The following GPC6 variants were observed in gnomAD, a reference collection of about 807,000 sequenced individuals.
GPC6 encodes glypican-6.
Under a neutral mutation model 55.2 loss-of-function variants are expected in GPC6, and 14 were observed. The observed-to-expected ratio is 0.25, with a 90% confidence interval of 0.17 to 0.40. The LOEUF (loss-of-function observed/expected upper bound fraction) is 0.40, where lower values mean the gene tolerates loss of function less well. Ranked by LOEUF, GPC6 falls within the 10% of genes least tolerant of loss-of-function variation. GPC6 has a pLI of 1.00. For synonymous variants in GPC6, 278 were observed against 259.6 expected (o/e 1.07, Z -0.68); for missense variants, 641 against 708.5 (o/e 0.90, Z 1.08).
At chr13:93,765,261 C>CTGTCTGGAAAGACAACTTTCCAGATAAGT in intron 2 of GPC6, among the ~76,000 whole-genome samples, 1 of 78,362 alleles carries the variant, frequency 1.3e-5, no homozygotes, top group Non-Finnish European at 3.7e-5. Context: ...TCCAGATAAG[C>CTGTCTGGAAAGACAACTTTCCAGATAAGT]TGTCTGGAAA....
At chr13:93,222,527 G>C (rs1594036778), upstream of GPC6, among the ~76,000 whole-genome samples, 2 of 152,132 alleles carry the variant, frequency 1.3e-5, no homozygotes, top group African/African-American at 4.8e-5. Flanking sequence ...ATACTAAAAT[G>C]TTTCTCTCAA....
chr13:94,400,973 C>T lies in GPC6; in HGVS notation c.1466-2042C>T, dbSNP rs146335714. On this transcript the variant is annotated intron_variant, in intron 8 of 8. Coordinates refer to ENST00000377047, the MANE Select transcript of GPC6 (RefSeq NM_005708.5). ...CATTTAAATAACAAATGTCAGGGTA[C>T]ATTCCAGGTCGCCTTTGCTGTAGGA... 9.7e-4 allele frequency among the ~76,000 whole-genome samples: 148 copies of T among 152,244 alleles called. 1 individual carries two copies. Among genetic ancestry groups the T allele is most frequent in the African/African-American group, 3.2e-3 (134 of 41,536 alleles).
chr13:93,354,344 G>A (rs1880750681), intron 1 of GPC6, among the ~76,000 whole-genome samples: 1 of 99,294 alleles, frequency 1.0e-5, no homozygotes, highest in Admixed American at 1.4e-4. Flanking sequence ...TGCTTCCGTT[G>A]GTAGATTTTT....
At chr13:93,583,602 A>G (rs1877050966) in intron 2 of GPC6, among the ~76,000 whole-genome samples, 1 of 152,108 alleles carries the variant, frequency 6.6e-6, no homozygotes, top group African/African-American at 2.4e-5. Context: ...TTTTTAGTAG[A>G]GATGGAGTTC....
intron 4 of GPC6, among the ~76,000 whole-genome samples, chr13:94,273,608 G>C (rs765802814): frequency 3.3e-5 from 5 of 152,118 alleles, no homozygotes; most frequent in Non-Finnish European, 7.4e-5. Flanking sequence ...TAAGATACAG[G>C]GTAAGCATGT....
chr13:94,223,276 CA>C (rs1188473801), intron 4 of GPC6, among the ~76,000 whole-genome samples: 2 of 152,018 alleles, frequency 1.3e-5, no homozygotes, highest in African/African-American at 4.8e-5. Context: ...ATAGATACTC[CA>C]TCAATTGGAT....
At position 93,963,767 on chromosome 13, in the gene GPC6, G is replaced by A. The variant is rs952961073; in HGVS notation, c.712-63962G>A. On this transcript the variant is annotated intron_variant, in intron 3 of 8. Coordinates refer to ENST00000377047, the MANE Select transcript of GPC6 (RefSeq NM_005708.5). Reference sequence around the variant, plus strand: ...CAATACGTGAAAATAAGATTGTTTGGTGTTCTTTCCTACAGCTAATTTTCA... The same window carrying A: ...CAATACGTGAAAATAAGATTGTTTGATGTTCTTTCCTACAGCTAATTTTCA... Among the ~76,000 whole-genome samples, 4 of 152,136 alleles carry A rather than the reference G, an allele frequency of 2.6e-5. No individual in the cohort carries two copies. The East Asian group carries it at 5.8e-4, about 22-fold the overall frequency.
chr13:93,320,728 T>C (rs1879410298), intron 1 of GPC6, among the ~76,000 whole-genome samples: 1 of 152,098 alleles, frequency 6.6e-6, no homozygotes, highest in Non-Finnish European at 1.5e-5. Context: ...TTATGTAGTA[T>C]AGCAGTAAAT....
chr13:93,473,122 C>T (rs1879183017), intron 1 of GPC6, among the ~76,000 whole-genome samples: 1 of 152,214 alleles, frequency 6.6e-6, no homozygotes, highest in Admixed American at 6.5e-5. Context: ...GCAATTCCCA[C>T]TTCAGTGAGT....
intron 1 of GPC6, among the ~76,000 whole-genome samples, chr13:93,235,116 A>G (rs1341853388): frequency 6.6e-6 from 1 of 152,192 alleles, no homozygotes; most frequent in African/African-American, 2.4e-5. Flanking sequence ...CTGACATAGC[A>G]TTGTTTTAAT....
Position 94,372,768 on chromosome 13 carries a change from A to G in GPC6, c.1153-9646A>G, listed in dbSNP as rs371286066. ...GCTCCACCTCTGGGGGCAGGGCACA[A>G]ACAAACAAAAAGACAGCAGTAACCT... is the stretch of plus-strand genomic sequence containing the variant. On this transcript the variant is annotated intron_variant, in intron 6 of 8. Coordinates refer to ENST00000377047, the MANE Select transcript of GPC6 (RefSeq NM_005708.5). Among the ~76,000 whole-genome samples, 273 of 151,962 alleles carry G rather than the reference A, an allele frequency of 1.8e-3. 1 individual carries two copies. The highest frequency in any genetic ancestry group is 5.4e-3 in the African/African-American group (222 of 41,408).
intron 4 of GPC6, among the ~76,000 whole-genome samples, chr13:94,085,460 C>A: frequency 6.6e-6 from 1 of 152,132 alleles, no homozygotes; most frequent in Admixed American, 6.5e-5. Context: ...ACTTGCATTG[C>A]CAGTTTTTGC....
At chr13:93,506,011 CTGT>C (rs1193694202) in intron 1 of GPC6, among the ~76,000 whole-genome samples, 1 of 152,084 alleles carries the variant, frequency 6.6e-6, no homozygotes, top group African/African-American at 2.4e-5. Context: ...CATTCTTCTC[CTGT>C]TGTTGTCATT....
chr13:93,689,192 A>G (rs1272374261), intron 2 of GPC6, among the ~76,000 whole-genome samples: 1 of 152,030 alleles, frequency 6.6e-6, no homozygotes, highest in East Asian at 1.9e-4. Flanking sequence ...ACAAATGGCG[A>G]TCCCAGAAGG....
rs1566427294 is a variant in GPC6, at chr13:93,566,561, C to CT, written c.319+21148dup. On this transcript the variant is annotated intron_variant, in intron 2 of 8. Transcript: ENST00000377047. The stretch of plus-strand genomic sequence containing the variant: ...TTTTTTTGCTTGTTTTTTTTTATGA[C>CT]TTTTTTTTCTTTTTGTTATTATACT... Among the ~76,000 whole-genome samples the CT allele has an allele frequency of 5.4e-5, 8 of 148,114 alleles. No individual in the cohort carries two copies. The East Asian group carries it at 5.9e-4, about 11-fold the overall frequency.
At chr13:93,309,365 A>ATT (rs201190270) in intron 1 of GPC6, among the ~76,000 whole-genome samples, 1 of 151,994 alleles carries the variant, frequency 6.6e-6, no homozygotes, top group South Asian at 2.1e-4. Context: ...TGATGTTGCT[A>ATT]TTTTTTTGGT....
intron 1 of GPC6, among the ~76,000 whole-genome samples, chr13:93,344,651 T>A (rs1880371297): frequency 6.6e-6 from 1 of 152,196 alleles, no homozygotes; most frequent in Non-Finnish European, 1.5e-5. Context: ...ATAGGAGTAT[T>A]TAATTCAATA....
intron 1 of GPC6, among the ~76,000 whole-genome samples, chr13:93,424,355 G>T (rs1877040118): frequency 6.6e-6 from 1 of 152,100 alleles, no homozygotes; most frequent in South Asian, 2.1e-4. Flanking sequence ...ATAATCTTAG[G>T]CAAAGCAGCT....
At chr13:94,014,246 C>G (rs968440272) in intron 3 of GPC6, among the ~76,000 whole-genome samples, 10 of 152,226 alleles carry the variant, frequency 6.6e-5, no homozygotes, top group Admixed American at 6.5e-4. Flanking sequence ...CCACCATTAG[C>G]AACAGCTGAA....
Sources: allele counts gnomAD v4.1 joint callset (sites outside exome capture counted in the v4.1 genomes callset), GRCh38; gene constraint gnomAD v4.1.1; transcripts MANE v1.5; gene names NCBI Gene and HGNC (gene_info 2026-07-23, HGNC 2026-07-21).